Variants in APP observed in about 807,000 individuals in gnomAD.
APP encodes the protein amyloid-beta precursor protein.
A neutral mutation model predicts 101.4 loss-of-function variants in APP; 31 were observed. That is an observed-to-expected ratio of 0.31 (90% CI 0.23 to 0.41). The LOEUF is 0.41. Among genes scored for constraint, APP ranks in the 10% least tolerant of loss-of-function variants. The pLI, the probability that APP is intolerant of heterozygous loss-of-function variation, is 1.00. For synonymous variants in APP, 366 were observed against 364.4 expected, an observed-to-expected ratio of 1.00 and a Z score of -0.05; for missense variants, 839 against 1,003.7, an observed-to-expected ratio of 0.84 and a Z score of 2.22.
chr21:26,043,523 G>GC (rs2045469819), intron 5 of APP, among the ~76,000 whole-genome samples: 1 of 152,150 alleles, frequency 6.6e-6, no homozygotes, highest in Admixed American at 6.6e-5. Flanking sequence ...GAGCCACCAT[G>GC]CCTGGCCTAG....
chr21:26,077,215 G>A (rs753454341), intron 3 of APP, among the ~76,000 whole-genome samples: 2 of 151,950 alleles, frequency 1.3e-5, no homozygotes, highest in Admixed American at 6.6e-5. Flanking sequence ...AATCATTCAC[G>A]GCCATCTCAT....
At position 25,911,880 on chromosome 21, in the gene APP, G is replaced by A. The variant is rs200150248; in HGVS notation, c.1770C>T (p.Asn590=). The A allele has an allele frequency of 7.9e-5, 127 of 1,614,156 alleles. 3 individuals are homozygous for A. In the South Asian group the frequency reaches 1.3e-3, roughly 16 times the overall value. Residue 590 remains asparagine, a synonymous_variant, in exon 14 of 18, where the codon AAC becomes AAT. Coordinates refer to ENST00000346798, the MANE Select transcript of APP (RefSeq NM_000484.4). ...CGGTCAAAGATGGCATGAGAGCATC[G>A]TTTCCGTAACTGATCCTTGGTTCAC... The part of the protein sequence containing the change: ...MISEPRISYG[N]DALMPSLTET...
chr21:26,136,172 A>G (rs200728660), intron 1 of APP, among the ~76,000 whole-genome samples: 83 of 49,194 alleles, frequency 1.7e-3, no homozygotes, highest in Non-Finnish European at 1.8e-3. Context: ...AAGAAAGAAA[A>G]GAAAGAAAGA....
chr21:26,023,036 C>T (rs988329460), intron 5 of APP, among the ~76,000 whole-genome samples: 1 of 148,120 alleles, frequency 6.8e-6, no homozygotes, highest in Non-Finnish European at 1.5e-5. Flanking sequence ...GTCAGGGATG[C>T]CTGCTGGAAC....
At chr21:26,108,890 CAAAAGAAAAA>C (rs1465384184) in intron 2 of APP, among the ~76,000 whole-genome samples, 4 of 148,608 alleles carry the variant, frequency 2.7e-5, no homozygotes, top group South Asian at 2.1e-4. Context: ...GTCTCAAAAA[CAAAAGAAAAA>C]AAAAGAAAAA....
At chr21:26,068,514 C>T (rs2046548813) in intron 3 of APP, among the ~76,000 whole-genome samples, 1 of 152,138 alleles carries the variant, frequency 6.6e-6, no homozygotes. Context: ...CACATGCCAA[C>T]ATGCCTGGCT....
intron 13 of APP, 133 bp downstream of exon 13, chr21:25,954,457 C>T: frequency 2.5e-6 from 2 of 801,348 alleles, no homozygotes; most frequent in East Asian, 2.7e-5. Context: ...TAGTTCCAGC[C>T]TGACAGTTTC....
At chr21:25,886,062 A>G (rs2037303106) in intron 17 of APP, among the ~76,000 whole-genome samples, 1 of 152,196 alleles carries the variant, frequency 6.6e-6, no homozygotes, top group Non-Finnish European at 1.5e-5. Flanking sequence ...AGTCAGGCCA[A>G]ACGACAGAAT....
At chr21:26,161,802 C>T (rs2063495692) in intron 1 of APP, among the ~76,000 whole-genome samples, 1 of 152,118 alleles carries the variant, frequency 6.6e-6, no homozygotes, top group African/African-American at 2.4e-5. Flanking sequence ...ATATTTGCTA[C>T]TACATATCAC....
intron 3 of APP, among the ~76,000 whole-genome samples, chr21:26,086,562 T>TAAAA (rs5843205): frequency 6.7e-6 from 1 of 149,200 alleles, no homozygotes; most frequent in Admixed American, 6.7e-5. Flanking sequence ...GCTAGGTCAG[T>TAAAA]AAAAAAAAAA....
chr21:26,170,651 G>C lies in APP; in HGVS notation c.-31C>G. The C allele has an allele frequency of 6.5e-7, 1 of 1,528,028 alleles. No homozygotes were observed. Among genetic ancestry groups the C allele is most frequent in the Non-Finnish European group, 8.8e-7 (1 of 1,142,786 alleles). 94.7% of individuals were successfully genotyped at this position (1,528,028 alleles called of 1,614,324 possible). ...CCCTGCGCGGGGCACCGAGTGCGCT[G>C]CTGTGCGAGTGGGATCCGCCGCGTC... On this transcript the variant is annotated 5_prime_UTR_variant, in exon 1 of 18. Coordinates refer to ENST00000346798, the MANE Select transcript of APP (RefSeq NM_000484.4).
chr21:25,943,914 G>T (rs754809313), intron 13 of APP, among the ~76,000 whole-genome samples: 1 of 152,036 alleles, frequency 6.6e-6, no homozygotes, highest in African/African-American at 2.4e-5. Context: ...CAATTAAATC[G>T]CATGTATAAA....
intron 13 of APP, among the ~76,000 whole-genome samples, chr21:25,915,288 A>G (rs866605756): frequency 4.6e-5 from 7 of 151,776 alleles, no homozygotes; most frequent in African/African-American, 1.7e-4. Flanking sequence ...CGTTATTTGA[A>G]CTCTTTAGAG....
At chr21:26,021,728 A>C in intron 6 of APP, 112 bp downstream of exon 6, 4 of 1,461,296 alleles carry the variant, frequency 2.7e-6, no homozygotes, top group Non-Finnish European at 3.7e-6. Flanking sequence ...TTGGAAAAAA[A>C]AACATGTTTT....
At chr21:26,063,894 C>T (rs570876186) in intron 3 of APP, among the ~76,000 whole-genome samples, 1 of 152,322 alleles carries the variant, frequency 6.6e-6, no homozygotes, top group East Asian at 1.9e-4. Context: ...CAACCACCAC[C>T]TGAGCCAGGT....
intron 13 of APP, among the ~76,000 whole-genome samples, chr21:25,946,757 C>T (rs1460644209): frequency 1.3e-5 from 2 of 152,166 alleles, no homozygotes; most frequent in Admixed American, 1.3e-4. Context: ...TCTGAACGTA[C>T]ATCATTTATT....
intron 5 of APP, among the ~76,000 whole-genome samples, chr21:26,044,881 C>T (rs2146880599): frequency 6.6e-6 from 1 of 152,338 alleles, no homozygotes; most frequent in Admixed American, 6.5e-5. Context: ...ATGGTATTCT[C>T]ATCCACTTAG....
At chr21:26,166,346 G>A (rs1036777742) in intron 1 of APP, among the ~76,000 whole-genome samples, 1 of 152,198 alleles carries the variant, frequency 6.6e-6, no homozygotes, top group Non-Finnish European at 1.5e-5. Flanking sequence ...TACACTGGCT[G>A]TGAGACCCAC....
intron 3 of APP, among the ~76,000 whole-genome samples, chr21:26,074,479 G>A (rs1327774259): frequency 1.3e-5 from 2 of 152,240 alleles, no homozygotes; most frequent in African/African-American, 4.8e-5. Context: ...CTTAAGGCCA[G>A]GCGTGGTGGC....
Sources: allele counts gnomAD v4.1 joint callset (sites outside exome capture counted in the v4.1 genomes callset), GRCh38; gene constraint gnomAD v4.1.1; transcripts MANE v1.5; gene names NCBI Gene and HGNC (gene_info 2026-07-23, HGNC 2026-07-21).